PRELID2: variants seen among roughly 807,000 people sequenced by gnomAD.
PRELID2 encodes the protein PRELI domain containing 2.
A neutral mutation model predicts 28.4 loss-of-function variants in PRELID2; 25 were observed. The ratio of observed to expected loss-of-function variants is 0.88; its 90% CI spans 0.64 to 1.23. PRELID2 has a LOEUF of 1.23. Ranked by LOEUF, PRELID2 falls within the 50% of genes most tolerant of loss-of-function variation. PRELID2 has a pLI of 0.00. For missense variants in PRELID2, 201 were observed against 214.4 expected (o/e 0.94, Z 0.39); for synonymous variants, 76 against 71.6 (o/e 1.06, Z -0.31).
intron 1 of PRELID2, among the ~76,000 whole-genome samples, chr5:145,633,164 C>T (rs770524155): frequency 6.6e-6 from 1 of 152,116 alleles, no homozygotes; most frequent in Non-Finnish European, 1.5e-5. Flanking sequence ...TGATTTGAGC[C>T]CTGTAAAATG....
chr5:145,597,445 G>A (rs888766473), intron 1 of PRELID2, among the ~76,000 whole-genome samples: 1 of 152,216 alleles, frequency 6.6e-6, no homozygotes, highest in African/African-American at 2.4e-5. Context: ...TCTGACAGGG[G>A]TATCAAAGCA....
At chr5:145,654,648 C>T (rs186532925) in intron 1 of PRELID2, among the ~76,000 whole-genome samples, 1 of 152,208 alleles carries the variant, frequency 6.6e-6, no homozygotes, top group East Asian at 1.9e-4. Context: ...AGACAAAAAC[C>T]ACATGATTAT....
At chr5:145,613,078 A>G (rs1325636505) in intron 1 of PRELID2, among the ~76,000 whole-genome samples, 2 of 152,124 alleles carry the variant, frequency 1.3e-5, no homozygotes, top group Non-Finnish European at 2.9e-5. Context: ...CAGCTGTACT[A>G]GTTGCATTCC....
the PRELID2 span, among the ~76,000 whole-genome samples, chr5:145,351,929 T>C: frequency 6.6e-6 from 1 of 152,182 alleles, no homozygotes; most frequent in African/African-American, 2.4e-5. Flanking sequence ...TGACTCCATG[T>C]CTCACATCCA....
intron 1 of PRELID2, among the ~76,000 whole-genome samples, chr5:145,744,233 T>C (rs1756924376): frequency 6.6e-6 from 1 of 152,182 alleles, no homozygotes; most frequent in Non-Finnish European, 1.5e-5. Flanking sequence ...CCAGGAGACT[T>C]AGCCTTTTCT....
exon 3 of PRELID2, chr5:145,471,810 C>T (rs559634993): frequency 1.3e-5 from 2 of 152,200 alleles, no homozygotes; most frequent in South Asian, 2.1e-4. Flanking sequence ...CATAATCCAA[C>T]TTAGGCCATC....
chr5:145,334,771 GTTT>G, the PRELID2 span, among the ~76,000 whole-genome samples: 7 of 135,000 alleles, frequency 5.2e-5, no homozygotes, highest in South Asian at 2.3e-4. Flanking sequence ...TTGTTTGTCA[GTTT>G]TTTTTTTTTT....
At chr5:145,502,018 A>T (rs2126634629) in intron 1 of PRELID2, among the ~76,000 whole-genome samples, 1 of 152,248 alleles carries the variant, frequency 6.6e-6, no homozygotes, top group South Asian at 2.1e-4. Context: ...GCAGAGGCAG[A>T]CTTTCCAGGG....
intron 1 of PRELID2, among the ~76,000 whole-genome samples, chr5:145,606,680 A>G (rs772668030): frequency 3.9e-4 from 59 of 152,128 alleles, no homozygotes; most frequent in Non-Finnish European, 7.8e-4. Flanking sequence ...TATTTTGGTA[A>G]GAATTTTTGC....
At chr5:145,729,533 C>G (rs1239902419) in intron 1 of PRELID2, among the ~76,000 whole-genome samples, 1 of 151,594 alleles carries the variant, frequency 6.6e-6, no homozygotes, top group Non-Finnish European at 1.5e-5. Flanking sequence ...ATGCCTCACC[C>G]TCTACATAAT....
At chr5:145,608,153 G>A (rs1028195863) in intron 1 of PRELID2, among the ~76,000 whole-genome samples, 3 of 151,310 alleles carry the variant, frequency 2.0e-5, no homozygotes, top group African/African-American at 7.3e-5. Context: ...ATCACTGCAT[G>A]TGAAGTGAGT....
the PRELID2 span, among the ~76,000 whole-genome samples, chr5:145,308,703 G>A: frequency 2.0e-5 from 3 of 151,730 alleles, no homozygotes; most frequent in Non-Finnish European, 2.9e-5. Flanking sequence ...AACTCTAGTT[G>A]AGCCTTAACA....
chr5:145,456,095 C>T, the PRELID2 span, among the ~76,000 whole-genome samples: 59 of 152,268 alleles, frequency 3.9e-4, no homozygotes, highest in African/African-American at 1.4e-3. Flanking sequence ...CTTTGGCTTA[C>T]GAATGCTACT....
At chr5:145,570,434 C>CAGGAGT (rs1440894080) in intron 1 of PRELID2, among the ~76,000 whole-genome samples, 4 of 152,080 alleles carry the variant, frequency 2.6e-5, no homozygotes, top group Non-Finnish European at 5.9e-5. Flanking sequence ...AAAAAATTTG[C>CAGGAGT]AGGAGTAGTT....
At chr5:145,527,611 C>A (rs565867622) in intron 1 of PRELID2, among the ~76,000 whole-genome samples, 3 of 152,106 alleles carry the variant, frequency 2.0e-5, no homozygotes, top group African/African-American at 4.8e-5. Context: ...AGAGAGACAG[C>A]CAGAAAGTTT....
At chr5:145,822,827 T>C (rs1464945549) in intron 2 of PRELID2, among the ~76,000 whole-genome samples, 1 of 152,236 alleles carries the variant, frequency 6.6e-6, no homozygotes. Flanking sequence ...TCATCAATTA[T>C]TAGTTAGAAA....
chr5:145,331,418 G>A, the PRELID2 span, among the ~76,000 whole-genome samples: 1 of 152,186 alleles, frequency 6.6e-6, no homozygotes, highest in South Asian at 2.1e-4. Flanking sequence ...TCTCTTTGTA[G>A]GCCTCTAAGA....
intron 1 of PRELID2, among the ~76,000 whole-genome samples, chr5:145,571,174 CT>C: frequency 6.6e-6 from 1 of 152,316 alleles, no homozygotes; most frequent in Admixed American, 6.5e-5. Flanking sequence ...GTTCTACCAC[CT>C]ATATCTGTAT....
the PRELID2 span, among the ~76,000 whole-genome samples, chr5:145,438,965 T>C: frequency 6.6e-6 from 1 of 152,180 alleles, no homozygotes; most frequent in African/African-American, 2.4e-5. Context: ...TTTTCTCTGA[T>C]GCAGCGATGC....
Sources: allele counts gnomAD v4.1 joint callset (sites outside exome capture counted in the v4.1 genomes callset), GRCh38; gene constraint gnomAD v4.1.1; transcripts MANE v1.5; gene names NCBI Gene and HGNC (gene_info 2026-07-23, HGNC 2026-07-21).